The following KCNE1 variants were observed in gnomAD, a reference collection of about 807,000 sequenced individuals.
KCNE1 encodes the protein potassium voltage-gated channel subfamily E member 1.
A neutral mutation model predicts 2.9 loss-of-function variants in KCNE1; 1 was observed. The ratio of observed to expected loss-of-function variants is 0.34; its 90% CI spans 0.12 to 1.62. The LOEUF (loss-of-function observed/expected upper bound fraction) is 1.62. KCNE1 is among the 40% of genes most tolerant of loss of function. The probability of loss-of-function intolerance (pLI) is 0.36; values close to 1 mark genes in which losing one functional copy is unlikely to be tolerated. For synonymous variants in KCNE1, 23 were observed against 65.4 expected (o/e 0.35, Z 3.13); for missense variants, 45 against 150.5 (o/e 0.30, Z 3.67).
At chr21:34,510,651 C>A (rs58853866) in intron 2 of KCNE1, 1,668 of 153,014 alleles carry the variant, frequency 0.011, 52 homozygotes, top group East Asian at 0.1. Context: ...CCCCCACTGC[C>A]TGCCTCCTTG....
At chr21:34,500,763 A>C (rs2123511657) in intron 2 of KCNE1, among the ~76,000 whole-genome samples, 1 of 152,352 alleles carries the variant, frequency 6.6e-6, no homozygotes, top group African/African-American at 2.4e-5. Flanking sequence ...TTTTCTACTA[A>C]CAATATATCT....
intron 2 of KCNE1, chr21:34,510,574 C>T (rs1201092043): frequency 6.6e-6 from 1 of 152,566 alleles, no homozygotes; most frequent in Non-Finnish European, 1.5e-5. Flanking sequence ...GCTCCAAAAG[C>T]TCCTTCCGGG....
At position 34,452,102 on chromosome 21, in the gene KCNE1, G is replaced by A. The variant is rs141492141; in HGVS notation, c.-50-2418C>T. Among the ~76,000 whole-genome samples the A allele has an allele frequency of 3.8e-4, 22 of 57,788 alleles. 8 individuals carry two copies. The highest frequency in any genetic ancestry group is 5.6e-4 in the Non-Finnish European group (17 of 30,344). 37.9% of individuals were successfully genotyped at this position (57,788 alleles called of 152,430 possible). On this transcript the variant is annotated intron_variant, in intron 3 of 3. Coordinates refer to ENST00000399286, the MANE Select transcript of KCNE1 (RefSeq NM_000219.6). The stretch of plus-strand genomic sequence containing the variant: ...ACAGGCCCTAAATTTGAGAGTCTAT[G>A]CATCCCTCTCCAATTCCACTGTTGC...
At chr21:34,503,864 C>T (rs1388976307) in intron 2 of KCNE1, among the ~76,000 whole-genome samples, 1 of 152,168 alleles carries the variant, frequency 6.6e-6, no homozygotes, top group Non-Finnish European at 1.5e-5. Flanking sequence ...CAACATATGC[C>T]ACCAAACCCT....
At chr21:34,505,859 T>C (rs952940341) in intron 2 of KCNE1, among the ~76,000 whole-genome samples, 1 of 152,188 alleles carries the variant, frequency 6.6e-6, no homozygotes, top group Non-Finnish European at 1.5e-5. Flanking sequence ...GCGTGGGCCA[T>C]CTTCTAGAGT....
At chr21:34,501,383 G>A (rs1225210508) in intron 2 of KCNE1, among the ~76,000 whole-genome samples, 1 of 152,190 alleles carries the variant, frequency 6.6e-6, no homozygotes, top group Non-Finnish European at 1.5e-5. Context: ...AGAACTTGAG[G>A]TATACATTCA....
At chr21:34,505,165 G>T (rs1387478464) in intron 2 of KCNE1, among the ~76,000 whole-genome samples, 2 of 152,066 alleles carry the variant, frequency 1.3e-5, no homozygotes. Context: ...ACAGAGTCTT[G>T]CTCTGTCACC....
At chr21:34,504,903 G>C (rs1319038840) in intron 2 of KCNE1, among the ~76,000 whole-genome samples, 1 of 152,178 alleles carries the variant, frequency 6.6e-6, no homozygotes, top group African/African-American at 2.4e-5. Context: ...CTTGCGAGGT[G>C]GGGGCAGGGG....
chr21:34,495,718 G>C (rs2123500330), intron 2 of KCNE1, among the ~76,000 whole-genome samples: 1 of 151,780 alleles, frequency 6.6e-6, no homozygotes, highest in East Asian at 1.9e-4. Flanking sequence ...GGTGTCAGTT[G>C]TAATAGCTTC....
intron 2 of KCNE1, among the ~76,000 whole-genome samples, chr21:34,502,010 T>A (rs1278981353): frequency 5.3e-5 from 8 of 152,190 alleles, no homozygotes; most frequent in Non-Finnish European, 8.8e-5. Context: ...GGGAGTCCCA[T>A]ACCTTAGTGT....
At chr21:34,504,235 A>G (rs982883257) in intron 2 of KCNE1, among the ~76,000 whole-genome samples, 12 of 152,148 alleles carry the variant, frequency 7.9e-5, no homozygotes, top group African/African-American at 2.2e-4. Flanking sequence ...GAGGAAGAGG[A>G]GTTGGGAGAG....
intron 2 of KCNE1, among the ~76,000 whole-genome samples, chr21:34,496,321 C>T (rs1982804847): frequency 6.6e-6 from 1 of 152,148 alleles, no homozygotes; most frequent in South Asian, 2.1e-4. Flanking sequence ...GATCCACCCG[C>T]CTTGGCCTCC....
intron 2 of KCNE1, among the ~76,000 whole-genome samples, chr21:34,498,618 T>C (rs1488901999): frequency 6.6e-6 from 1 of 152,242 alleles, no homozygotes; most frequent in Non-Finnish European, 1.5e-5. Flanking sequence ...GGGAATGAAG[T>C]AGACTCTCTG....
chr21:34,499,053 C>G (rs1461988295), intron 2 of KCNE1, among the ~76,000 whole-genome samples: 1 of 152,160 alleles, frequency 6.6e-6, no homozygotes, highest in African/African-American at 2.4e-5. Context: ...TCAGACTCTC[C>G]TTGAGCAAGG....
chr21:34,501,359 G>A (rs41315453), intron 2 of KCNE1, among the ~76,000 whole-genome samples: 1 of 152,308 alleles, frequency 6.6e-6, no homozygotes, highest in East Asian at 1.9e-4. Flanking sequence ...AAGATGACAG[G>A]CAACTCTTCT....
intron 2 of KCNE1, among the ~76,000 whole-genome samples, chr21:34,503,741 C>T (rs1601101214): frequency 1.3e-5 from 2 of 152,176 alleles, no homozygotes; most frequent in East Asian, 3.8e-4. Flanking sequence ...CTGCCATCAG[C>T]CATGGGTGAG....
At chr21:34,505,029 T>C (rs1192649667) in intron 2 of KCNE1, among the ~76,000 whole-genome samples, 1 of 152,210 alleles carries the variant, frequency 6.6e-6, no homozygotes, top group Admixed American at 6.5e-5. Context: ...CCAAAAACCA[T>C]TGATCATACA....
intron 2 of KCNE1, among the ~76,000 whole-genome samples, chr21:34,497,806 C>T (rs1208990786): frequency 6.6e-6 from 1 of 152,168 alleles, no homozygotes; most frequent in Non-Finnish European, 1.5e-5. Context: ...CTCAAGAACA[C>T]CAATTATTCT....
chr21:34,505,797 T>C (rs1983448852), intron 2 of KCNE1, among the ~76,000 whole-genome samples: 1 of 152,188 alleles, frequency 6.6e-6, no homozygotes, highest in Non-Finnish European at 1.5e-5. Flanking sequence ...CAAACACCCT[T>C]ATGCATTACT....
Sources: allele counts gnomAD v4.1 joint callset (sites outside exome capture counted in the v4.1 genomes callset), GRCh38; gene constraint gnomAD v4.1.1; transcripts MANE v1.5; gene names NCBI Gene and HGNC (gene_info 2026-07-23, HGNC 2026-07-21).